GPR107: variants seen among roughly 807,000 people sequenced by gnomAD.
GPR107 encodes G protein-coupled receptor 107.
A neutral mutation model predicts 75.5 loss-of-function variants in GPR107; 31 were observed. The observed-to-expected ratio is 0.41, with a 90% CI of 0.31 to 0.55. The LOEUF is 0.55. GPR107 is among the 20% of genes least tolerant of loss of function. The probability of loss-of-function intolerance (pLI) is 0.26; values close to 1 mark genes in which losing one functional copy is unlikely to be tolerated. For synonymous variants in GPR107, 267 were observed against 251.3 expected (o/e 1.06, Z -0.59); for missense variants, 572 against 665.7 (o/e 0.86, Z 1.55).
chr9:130,104,364 A>AC (rs1831109632), intron 12 of GPR107, 56 bp from the exon 13 acceptor site: 1 of 1,567,346 alleles, frequency 6.4e-7, no homozygotes, highest in East Asian at 2.2e-5. Context: ...TGGGGCTGCT[A>AC]GCATCATAAC....
At chr9:130,107,360 G>T in intron 13 of GPR107, 136 bp from the exon 14 acceptor site, 1 of 677,754 alleles carries the variant, frequency 1.5e-6, no homozygotes. Context: ...CCGTTTTAGG[G>T]AGAGTGCTCT....
chr9:130,089,947 C>G (rs1830696678), intron 7 of GPR107, among the ~76,000 whole-genome samples: 1 of 152,082 alleles, frequency 6.6e-6, no homozygotes, highest in Non-Finnish European at 1.5e-5. Flanking sequence ...TAACAAGTAA[C>G]TATGAACAGT....
At chr9:130,067,892 G>A (rs139579883) in intron 1 of GPR107, among the ~76,000 whole-genome samples, 1 of 151,404 alleles carries the variant, frequency 6.6e-6, no homozygotes, top group Admixed American at 6.6e-5. Context: ...TTACAAGCGG[G>A]CGCCACCACG....
At chr9:130,115,796 G>A (rs1018156011) in intron 14 of GPR107, among the ~76,000 whole-genome samples, 4 of 150,490 alleles carry the variant, frequency 2.7e-5, no homozygotes, top group African/African-American at 7.3e-5. Context: ...TTAGCCAGCC[G>A]TGATGGTGCA....
intron 1 of GPR107, among the ~76,000 whole-genome samples, chr9:130,069,079 T>C (rs992558651): frequency 1.3e-5 from 2 of 152,156 alleles, no homozygotes; most frequent in Non-Finnish European, 2.9e-5. Flanking sequence ...AAGTATGTGG[T>C]AGTTAAAAAA....
intron 14 of GPR107, among the ~76,000 whole-genome samples, chr9:130,108,522 T>C (rs1436724272): frequency 6.6e-6 from 1 of 152,238 alleles, no homozygotes; most frequent in Non-Finnish European, 1.5e-5. Context: ...TAGAGCACAG[T>C]ATTCTGGAGG....
At chr9:130,077,034 C>T (rs1011458625) in intron 3 of GPR107, among the ~76,000 whole-genome samples, 1 of 151,820 alleles carries the variant, frequency 6.6e-6, no homozygotes, top group Non-Finnish European at 1.5e-5. Context: ...ACTGCAGGTG[C>T]CCGCCACCAC....
chr9:130,110,648 A>G (rs531731145), intron 14 of GPR107, among the ~76,000 whole-genome samples: 10 of 152,354 alleles, frequency 6.6e-5, no homozygotes, highest in African/African-American at 2.4e-4. Context: ...CGACACTCCC[A>G]GAGCCAGAGC....
At chr9:130,104,935 C>G (rs1438112445) in intron 13 of GPR107, among the ~76,000 whole-genome samples, 1 of 152,204 alleles carries the variant, frequency 6.6e-6, no homozygotes, top group African/African-American at 2.4e-5. Context: ...AGTTCATTAA[C>G]ATAAAACTAG....
intron 7 of GPR107, among the ~76,000 whole-genome samples, chr9:130,086,766 C>A (rs1830624093): frequency 6.6e-6 from 1 of 152,030 alleles, no homozygotes; most frequent in East Asian, 1.9e-4. Context: ...GACCCCTTTG[C>A]CCCAATCCCA....
chr9:130,055,718 G>C (rs2132524642), intron 1 of GPR107, among the ~76,000 whole-genome samples: 1 of 152,174 alleles, frequency 6.6e-6, no homozygotes, highest in East Asian at 1.9e-4. Flanking sequence ...GCCGAGGTGG[G>C]CGGATCACCT....
intron 13 of GPR107, 40 bp downstream of exon 13, chr9:130,104,590 G>T: frequency 1.3e-6 from 2 of 1,588,568 alleles, no homozygotes; most frequent in Non-Finnish European, 1.7e-6. Context: ...TGACAGCTTG[G>T]CTGTCAAGCC....
chr9:130,104,141 G>T (rs1258266037), intron 12 of GPR107, among the ~76,000 whole-genome samples: 2 of 152,222 alleles, frequency 1.3e-5, no homozygotes, highest in East Asian at 3.8e-4. Context: ...GGTCCCAAGA[G>T]AGCTGGGTGG....
At chr9:130,091,406 A>G (rs1830733769) in intron 8 of GPR107, among the ~76,000 whole-genome samples, 1 of 152,058 alleles carries the variant, frequency 6.6e-6, no homozygotes, top group Admixed American at 6.6e-5. Flanking sequence ...TCTTGAGCCC[A>G]GGAGGCAGAG....
intron 4 of GPR107, 27 bp from the exon 5 acceptor site, chr9:130,079,603 T>C: frequency 6.2e-7 from 1 of 1,610,184 alleles, no homozygotes; most frequent in Non-Finnish European, 8.5e-7. Flanking sequence ...CTTTGACCTT[T>C]TTTCCTTCTG....
At chr9:130,058,357 T>C (rs187066548) in intron 1 of GPR107, among the ~76,000 whole-genome samples, 4 of 152,298 alleles carry the variant, frequency 2.6e-5, no homozygotes, top group African/African-American at 9.6e-5. Context: ...TAGAATCAAT[T>C]CCCATTCCCA....
intron 1 of GPR107, among the ~76,000 whole-genome samples, chr9:130,066,054 C>T (rs551792392): frequency 1.3e-5 from 2 of 152,212 alleles, no homozygotes; most frequent in South Asian, 4.2e-4. Flanking sequence ...TGCCTGTAAT[C>T]TCAGCATTTT....
chr9:130,088,699 G>A lies in GPR107; in HGVS notation c.622-2177G>A, dbSNP rs143456360. Reference sequence around the variant, plus strand: ...TTCTCTTTTACCAATGAGAAACTGTGCTCAGAGAGGTAATGTAACCTGCCC... The same window carrying A: ...TTCTCTTTTACCAATGAGAAACTGTACTCAGAGAGGTAATGTAACCTGCCC... On this transcript the variant is annotated intron_variant, in intron 7 of 17. Transcript: ENST00000347136. Among the ~76,000 whole-genome samples, 65 of 152,268 alleles carry A rather than the reference G, an allele frequency of 4.3e-4. 1 individual carries two copies. The highest frequency in any genetic ancestry group is 8.2e-4 in the Non-Finnish European group (56 of 68,028).
intron 1 of GPR107, 120 bp downstream of exon 1, chr9:130,054,193 G>A: frequency 2.0e-6 from 2 of 1,000,422 alleles, no homozygotes; most frequent in South Asian, 1.7e-5. Context: ...CCCTGGCTGC[G>A]GCCTTTCACT....
Sources: allele counts gnomAD v4.1 joint callset (sites outside exome capture counted in the v4.1 genomes callset), GRCh38; gene constraint gnomAD v4.1.1; transcripts MANE v1.5; gene names NCBI Gene and HGNC (gene_info 2026-07-23, HGNC 2026-07-21).